LRIT2: variants seen among roughly 807,000 people sequenced by gnomAD.
The protein encoded by LRIT2 is leucine rich repeat, Ig-like and transmembrane domains 2, also known as leucine-rich repeat, immunoglobulin-like domain and transmembrane domain-containing protein 2.
Under a neutral mutation model 22.4 loss-of-function variants are expected in LRIT2, and 23 were observed. That is an observed-to-expected ratio of 1.03 (90% CI 0.74 to 1.45). The LOEUF (loss-of-function observed/expected upper bound fraction) is 1.45, where lower values mean the gene tolerates loss of function less well. Ranked by LOEUF, LRIT2 falls within the 40% of genes most tolerant of loss-of-function variation. LRIT2 has a pLI of 0.00. For missense variants in LRIT2, 784 were observed against 665.6 expected (o/e 1.18, Z -1.96); for synonymous variants, 291 against 267.1 (o/e 1.09, Z -0.87).
In LRIT2 at chr10:84,222,079, G is replaced by A. The variant is rs140185624; in HGVS notation, c.1494C>T (p.Arg498=). Residue 498 remains arginine, a synonymous_variant, in exon 3 of 3, where the codon CGC becomes CGT. Coordinates refer to ENST00000372113, the MANE Select transcript of LRIT2 (RefSeq NM_001017924.5). The part of the protein sequence containing the change: ...GPCSCSKWVL[R]GCLHRRKAPS... ...GGGCTTTCCTGCGATGAAGACAGCC[G>A]CGCAGGACCCACTTGCTGCAGCTGC... 1.9e-4 allele frequency: 308 copies of A among 1,609,934 alleles called. 3 individuals are homozygous for A. Among genetic ancestry groups the A allele is most frequent in the South Asian group, 1.5e-3 (138 of 90,616 alleles).
Position 84,224,473 on chromosome 10 carries a change from A to G in LRIT2, c.752T>C (p.Met251Thr). 6.2e-7 allele frequency: 1 copy of G among 1,614,218 alleles called. No homozygotes were observed. The highest frequency in any genetic ancestry group is 8.5e-7 in the Non-Finnish European group (1 of 1,180,036). Reference sequence around the variant, plus strand: ...ACTGGGGGTTGAGATCTGTGGCTTCATGCAAGCACTAAGCTCAGTTTCATG... The same window carrying G: ...ACTGGGGGTTGAGATCTGTGGCTTCGTGCAAGCACTAAGCTCAGTTTCATG... ...LFHETELSAC[M>T]KPQISTPSAN... Residue 251 changes from methionine (M) to threonine (T), a missense_variant, in exon 2 of 3, where the codon ATG (methionine) becomes ACG (threonine). Met to Thr is a moderately conservative substitution (Grantham distance 81, BLOSUM62 -1). Coordinates refer to ENST00000372113, the MANE Select transcript of LRIT2 (RefSeq NM_001017924.5).
rs1287655832 is a variant in LRIT2 at position 84,221,986 on chromosome 10, A to G, written c.1587T>C (p.Asp529=). 6.3e-7 allele frequency: 1 copy of G among 1,583,946 alleles called. No homozygotes were observed. The highest frequency in any genetic ancestry group is 1.2e-5 in the South Asian group (1 of 86,830). The change falls in exon 3 of 3, where the codon GAT becomes GAC. Residue 529 remains aspartate, a synonymous_variant. Transcript: ENST00000372113. The part of the protein sequence containing the change: ...GSFREHPAVC[D]DGEGHIDTEG... Reference sequence around the variant, plus strand: ...CAGTGTCTATGTGCCCTTCACCGTCATCACAGACAGCTGGATGTTCTCTAA... The same window carrying G: ...CAGTGTCTATGTGCCCTTCACCGTCGTCACAGACAGCTGGATGTTCTCTAA...
Position 84,224,685 on chromosome 10 carries a change from GC to G in LRIT2, c.539del (p.Cys180SerfsTer29), listed in dbSNP as rs754301148. The G allele has an allele frequency of 5.0e-6, 8 of 1,614,042 alleles. No homozygotes were observed. The highest frequency in any genetic ancestry group is 6.8e-6 in the Non-Finnish European group (8 of 1,180,022). On this transcript the variant is annotated frameshift_variant, in exon 2 of 3. Coordinates refer to ENST00000372113, the MANE Select transcript of LRIT2 (RefSeq NM_001017924.5). LOFTEE classifies it high-confidence loss of function. ...VFLNWPAYQKCRQPDCGAEIL... is the reference protein window; with the variant it reads ...VFLNWPAYQKXRQPDCGAEIL... ...TCTCAGCCCCACAGTCAGGCTGCCG[GC>G]ATTTCTGGTAGGCTGGCCAGTTCAG...
At chr10:84,223,135 C>T (rs1842528388) in intron 2 of LRIT2, among the ~76,000 whole-genome samples, 1 of 152,214 alleles carries the variant, frequency 6.6e-6, no homozygotes, top group African/African-American at 2.4e-5. Flanking sequence ...CACAGTTCCT[C>T]AGAGCCTGGA....
In LRIT2 at chr10:84,222,003, G is replaced by A. The variant is rs776071626; in HGVS notation, c.1570C>T (p.His524Tyr). The A allele has an allele frequency of 7.5e-6, 12 of 1,599,966 alleles. No individual in the cohort carries two copies. The highest frequency in any genetic ancestry group is 1.7e-5 in the Admixed American group (1 of 58,238). ...TCACCGTCATCACAGACAGCTGGAT[G>A]TTCTCTAAAGGAGCCATCCTTGGAC... is the stretch of plus-strand genomic sequence containing the variant. ...PQSKDGSFRE[H>Y]PAVCDDGEGH... is the part of the protein sequence containing the mutation. The change falls in exon 3 of 3, where the codon CAT (histidine) becomes TAT (tyrosine). Residue 524 changes from histidine to tyrosine, a missense_variant. By Grantham distance (83) the His-to-Tyr change is moderately conservative. Transcript: ENST00000372113.
rs769443337 is a variant in LRIT2 at position 84,220,839 on chromosome 10, G to C, written c.*1081C>G. On this transcript the variant is annotated 3_prime_UTR_variant, in exon 3 of 3. Coordinates refer to ENST00000372113, the MANE Select transcript of LRIT2 (RefSeq NM_001017924.5). The stretch of plus-strand genomic sequence containing the variant: ...GAATGGGTAAAAAAGGTGGGAAGGA[G>C]GAAACGTGTGGAGATGTCACAATGA... The C allele has an allele frequency of 4.9e-4, 75 of 152,236 alleles. No individual in the cohort carries two copies. Among genetic ancestry groups the C allele is most frequent in the Non-Finnish European group, 7.3e-5 (5 of 68,052 alleles). 9.4% of individuals were successfully genotyped at this position (152,236 alleles called of 1,614,324 possible).
chr10:84,224,996 T>C lies in LRIT2; in HGVS notation c.229A>G (p.Asn77Asp), dbSNP rs1245802761. The change falls in exon 2 of 3, where the codon AAC (asparagine) becomes GAC (aspartate). Residue 77 changes from asparagine to aspartate, a missense_variant. By Grantham distance (23) the Asn-to-Asp change is conservative. Transcript: ENST00000372113. ...CAGAGGTATTCCAAGGTGCTCATGT[T>C]GATGAAAGACCCTTGGGGCATCTCA... Reference protein sequence around the residue: ...LFEMPQGSFINMSTLEYLWLN... With the variant: ...LFEMPQGSFIDMSTLEYLWLN... 1.2e-6 allele frequency: 2 copies of C among 1,614,160 alleles called. No homozygotes were observed. Among genetic ancestry groups the C allele is most frequent in the East Asian group, 4.5e-5 (2 of 44,874 alleles).
At chr10:84,225,188 T>A in intron 1 of LRIT2, 74 bp from the exon 2 acceptor site, 1 of 1,360,466 alleles carries the variant, frequency 7.4e-7, no homozygotes, top group Non-Finnish European at 1.0e-6. Flanking sequence ...GATCCTGGCA[T>A]TAGACATGTG....
Position 84,222,684 on chromosome 10 carries a change from G to C in LRIT2, c.893-4C>G, listed in dbSNP as rs770217187. 3.0e-5 allele frequency: 49 copies of C among 1,612,240 alleles called. No individual in the cohort carries two copies. The South Asian group carries it at 4.7e-4, about 16-fold the overall frequency. On this transcript the variant is annotated splice_polypyrimidine_tract_variant and splice_region_variant and intron_variant, in intron 2 of 2. Transcript: ENST00000372113. ...TCTCCAGTAGAAGATGTCAACACTG[G>C]GTGGAAAGAAAAACAAAACAGCTGT...
In LRIT2 at chr10:84,224,588, G is replaced by A. The variant is rs763519736; in HGVS notation, c.637C>T (p.Gln213Ter). The A allele has an allele frequency of 3.1e-6, 5 of 1,613,498 alleles. No individual in the cohort carries two copies. In the African/African-American group the frequency reaches 6.7e-5, roughly 22 times the overall value. ...VCDCRLRGLV[Q>*]FVKSITLPVI... ...GGGAGGGTAATGGACTTGACAAACT[G>A]GACAAGCCCCCTTAGGCGACAGTCA... The change falls in exon 2 of 3, where the codon CAG (glutamine) becomes TAG (stop). Residue 213 changes from glutamine (Q) to a stop codon, truncating the protein, a stop_gained. Coordinates refer to ENST00000372113, the MANE Select transcript of LRIT2 (RefSeq NM_001017924.5). LOFTEE classifies it high-confidence loss of function.
intron 2 of LRIT2, among the ~76,000 whole-genome samples, chr10:84,223,191 T>A (rs1289582264): frequency 2.0e-5 from 3 of 152,206 alleles, no homozygotes; most frequent in Admixed American, 6.5e-5. Flanking sequence ...CTATCCAGTG[T>A]GGTACTGGGC....
At position 84,222,546 on chromosome 10, in the gene LRIT2, G is replaced by A. The variant is rs751047224; in HGVS notation, c.1027C>T (p.His343Tyr). The A allele has an allele frequency of 3.0e-5, 48 of 1,613,918 alleles. 2 individuals are homozygous for A. The South Asian group carries it at 4.6e-4, about 16-fold the overall frequency. ...IGKSNLVISL[H>Y]VQPAQALHAP... Reference sequence around the variant, plus strand: ...TGTAGGGCCTGGGCAGGCTGGACATGGAGAGAGATTACAAGGTTGCTCTTG... The same window carrying A: ...TGTAGGGCCTGGGCAGGCTGGACATAGAGAGAGATTACAAGGTTGCTCTTG... Residue 343 changes from histidine (H) to tyrosine (Y), a missense_variant, in exon 3 of 3, where the codon CAT becomes TAT. His to Tyr is a moderately conservative substitution (Grantham distance 83). Coordinates refer to ENST00000372113, the MANE Select transcript of LRIT2 (RefSeq NM_001017924.5).
At chr10:84,225,581 G>A, upstream of LRIT2, 3 of 1,554,868 alleles carry the variant, frequency 1.9e-6, no homozygotes, top group South Asian at 2.4e-5. Context: ...CTTCCGAGTG[G>A]CAAATCCTAT....
In LRIT2 at chr10:84,222,364, G is replaced by A. The variant is rs1418146517; in HGVS notation, c.1209C>T (p.Ala403=). The A allele has an allele frequency of 1.9e-6, 3 of 1,614,178 alleles. No homozygotes were observed. Among genetic ancestry groups the A allele is most frequent in the Non-Finnish European group, 2.5e-6 (3 of 1,180,034 alleles). ...CAATGTGAACCACCTCCTTCCTGAA[G>A]GCTTCATCCGATGCAATGTAGAGGG... is the stretch of plus-strand genomic sequence containing the variant. ...WFTLYIASDE[A]FRKEVVHIGP... is the part of the protein sequence containing the mutation. Residue 403 remains alanine (A), a synonymous_variant, in exon 3 of 3, where the codon GCC becomes GCT. Coordinates refer to ENST00000372113, the MANE Select transcript of LRIT2 (RefSeq NM_001017924.5).
intron 2 of LRIT2, among the ~76,000 whole-genome samples, chr10:84,223,524 A>G (rs1310798745): frequency 1.7e-5 from 2 of 118,270 alleles, no homozygotes; most frequent in African/African-American, 5.3e-5. Flanking sequence ...GAGTTTTGTC[A>G]TAATGTATAA....
rs1842493987 is a variant in LRIT2 at position 84,220,725 on chromosome 10, CT to C, written c.*1194del. 6.6e-6 allele frequency: 1 copy of C among 152,188 alleles called. No individual in the cohort carries two copies. The highest frequency in any genetic ancestry group is 1.5e-5 in the Non-Finnish European group (1 of 68,030). The allele number at this position is 152,188 out of a possible 1,614,324, so 9.4% of individuals were successfully genotyped here. A position where few individuals can be genotyped will look rare whatever the true frequency, so the allele number is the denominator to read the frequency against. On this transcript the variant is annotated 3_prime_UTR_variant, in exon 3 of 3. Transcript: ENST00000372113. ...ACAACCAATGGACACAATGTGCATACTGTCCTTTTCCCCAGAGGTGTGAAGT... is the reference window on the plus strand; with the variant it reads ...ACAACCAATGGACACAATGTGCATACGTCCTTTTCCCCAGAGGTGTGAAGT...
intron 2 of LRIT2, among the ~76,000 whole-genome samples, chr10:84,223,469 A>G (rs973432095): frequency 1.8e-5 from 2 of 110,696 alleles, no homozygotes; most frequent in African/African-American, 5.5e-5. Context: ...TCAAAACAAT[A>G]CAGAATGTGA....
chr10:84,224,589 G>T lies in LRIT2; in HGVS notation c.636C>A (p.Val212=). ...WVCDCRLRGL[V]QFVKSITLPV... ...GGAGGGTAATGGACTTGACAAACTG[G>T]ACAAGCCCCCTTAGGCGACAGTCAC... is the stretch of plus-strand genomic sequence containing the variant. The change falls in exon 2 of 3, where the codon GTC becomes GTA. Residue 212 remains valine (V), a synonymous_variant. Coordinates refer to ENST00000372113, the MANE Select transcript of LRIT2 (RefSeq NM_001017924.5). 1 of 1,613,648 alleles carries T rather than the reference G, an allele frequency of 6.2e-7. No homozygotes were observed. Among genetic ancestry groups the T allele is most frequent in the Non-Finnish European group, 8.5e-7 (1 of 1,179,640 alleles).
Position 84,222,390 on chromosome 10 carries a change from T to C in LRIT2, c.1183A>G (p.Thr395Ala). 6.2e-7 allele frequency: 1 copy of C among 1,614,068 alleles called. No individual in the cohort carries two copies. The highest frequency in any genetic ancestry group is 8.5e-7 in the Non-Finnish European group (1 of 1,180,016). Residue 395 changes from threonine (T) to alanine (A), a missense_variant, in exon 3 of 3, where the codon ACC becomes GCC. Transcript: ENST00000372113. The part of the protein sequence containing the change: ...VADTSKEEWF[T>A]LYIASDEAFR... ...GCTTCATCCGATGCAATGTAGAGGG[T>C]GAACCACTCCTCCTTAGAGGTGTCA...
Sources: allele counts gnomAD v4.1 joint callset (sites outside exome capture counted in the v4.1 genomes callset), GRCh38; gene constraint gnomAD v4.1.1; transcripts MANE v1.5; gene names NCBI Gene and HGNC (gene_info 2026-07-23, HGNC 2026-07-21).